The following PARK7 variants were observed in gnomAD, a reference collection of about 807,000 sequenced individuals.
PARK7 encodes the protein Parkinson disease protein 7.
In PARK7, 14 loss-of-function variants were observed where a neutral mutation model predicts 20.5. That is an observed-to-expected ratio of 0.68 (90% CI 0.45 to 1.07). The LOEUF (loss-of-function observed/expected upper bound fraction) is 1.07, where lower values mean the gene tolerates loss of function less well. PARK7 is among the 50% of genes least tolerant of loss of function. The pLI is 0.00. For missense variants in PARK7, 234 were observed against 238.1 expected, an observed-to-expected ratio of 0.98 and a Z score of 0.11; for synonymous variants, 98 against 84.3, an observed-to-expected ratio of 1.16 and a Z score of -0.89.
Position 7,962,850 on chromosome 1 carries a change from C to A in PARK7, c.65C>A (p.Pro22His). 1 of 1,613,458 alleles carries A rather than the reference C, an allele frequency of 6.2e-7. No homozygotes were observed. Among genetic ancestry groups the A allele is most frequent in the Non-Finnish European group, 8.5e-7 (1 of 1,179,912 alleles). Residue 22 changes from proline to histidine, a missense_variant, in exon 2 of 7, where the codon CCT becomes CAT. Pro to His is a moderately conservative substitution (Grantham distance 77). Transcript: ENST00000338639. The stretch of plus-strand genomic sequence containing the variant: ...GCAGAGGAAATGGAGACGGTCATCC[C>A]TGTAGATGTCATGAGGCGAGCTGGG... ...KGAEEMETVIPVDVMRRAGIK... is the reference protein window; with the variant it reads ...KGAEEMETVIHVDVMRRAGIK...
chr1:7,966,899 C>T (rs979271216), intron 3 of PARK7, among the ~76,000 whole-genome samples: 2 of 152,134 alleles, frequency 1.3e-5, no homozygotes, highest in African/African-American at 4.8e-5. Context: ...GCATATCCAT[C>T]ATCTCAAACA....
intron 5 of PARK7, among the ~76,000 whole-genome samples, chr1:7,973,202 G>A (rs1020283084): frequency 2.0e-5 from 3 of 152,222 alleles, no homozygotes; most frequent in African/African-American, 7.2e-5. Flanking sequence ...TTGTACGTGG[G>A]CTTACTACAA....
At chr1:7,968,269 C>G (rs1001986978) in intron 3 of PARK7, among the ~76,000 whole-genome samples, 5 of 138,360 alleles carry the variant, frequency 3.6e-5, no homozygotes, top group African/African-American at 1.4e-4. Context: ...GATCACTGCA[C>G]TCTAACCTGG....
intron 3 of PARK7, among the ~76,000 whole-genome samples, chr1:7,966,901 T>C (rs1640342217): frequency 6.6e-6 from 1 of 152,200 alleles, no homozygotes; most frequent in South Asian, 2.1e-4. Context: ...ATATCCATCA[T>C]CTCAAACATT....
chr1:7,969,208 A>G (rs545218504), intron 3 of PARK7, 137 bp from the exon 4 acceptor site: 1 of 691,014 alleles, frequency 1.4e-6, no homozygotes, highest in East Asian at 2.7e-5. Context: ...ACCTTAATTT[A>G]TTTAACTGTT....
In PARK7 at chr1:7,969,486, G is replaced by A. The variant is rs561017138; in HGVS notation, c.252+82G>A. 2.0e-4 allele frequency: 191 copies of A among 945,496 alleles called. 1 individual carries two copies. In the South Asian group the frequency reaches 2.6e-3, roughly 13 times the overall value. The allele number at this position is 945,496 out of a possible 1,614,324, so 58.6% of individuals were successfully genotyped here. A position where few individuals can be genotyped will look rare whatever the true frequency, so the allele number is the denominator to read the frequency against. On this transcript the variant is annotated intron_variant, in intron 4 of 6. Transcript: ENST00000338639. Reference sequence around the variant, plus strand: ...GAATTTCAGCATCTGCTTATGTTCTGTTAATTTTGTTATTATTCAAATATT... The same window carrying A: ...GAATTTCAGCATCTGCTTATGTTCTATTAATTTTGTTATTATTCAAATATT...
Position 7,978,760 on chromosome 1 carries a change from C to T in PARK7, c.409+1022C>T, listed in dbSNP as rs187362836. 4.9e-3 allele frequency among the ~76,000 whole-genome samples: 744 copies of T among 151,114 alleles called. 9 individuals carry two copies. The highest frequency in any genetic ancestry group is 4.4e-3 in the Non-Finnish European group (302 of 67,968). On this transcript the variant is annotated intron_variant, in intron 6 of 6. Transcript: ENST00000338639. ...GCTCAGGAGGCTGAGGTGGGATGAT[C>T]GCTTTAAGCCTGGGAGGTCAAAGCT...
At chr1:7,973,273 A>C (rs1365597328) in intron 5 of PARK7, among the ~76,000 whole-genome samples, 1 of 152,220 alleles carries the variant, frequency 6.6e-6, no homozygotes, top group Non-Finnish European at 1.5e-5. Flanking sequence ...GCCAAAGGGC[A>C]CTGCAGTCAC....
rs45601537 is a variant in PARK7, at chr1:7,969,387, G to T, written c.235G>T (p.Ala79Ser). The T allele has an allele frequency of 1.9e-6, 3 of 1,560,642 alleles. No homozygotes were observed. Among genetic ancestry groups the T allele is most frequent in the South Asian group, 1.1e-5 (1 of 90,196 alleles). Residue 79 changes from alanine to serine, a missense_variant, in exon 4 of 7, where the codon GCA (alanine) becomes TCA (serine). Transcript: ENST00000338639. ...GGTTCTACCAGGAGGTAATCTGGGC[G>T]CACAGAATTTATCTGAGGTAAAAAA... The part of the protein sequence containing the change: ...VVVLPGGNLG[A>S]QNLSESAAVK...
In PARK7 at chr1:7,969,042, G is replaced by A. The variant is rs548818609; in HGVS notation, c.193-303G>A. 9.7e-4 allele frequency: 275 copies of A among 283,144 alleles called. 5 individuals carry two copies. The Middle Eastern group carries it at 0.012, about 12-fold the overall frequency. 17.5% of individuals were successfully genotyped at this position (283,144 alleles called of 1,614,324 possible). ...GCTTGTGGTGATTGTACACATACAC[G>A]CATACATCTACACACAAATACATAT... On this transcript the variant is annotated intron_variant, in intron 3 of 6. Transcript: ENST00000338639.
In PARK7 at chr1:7,977,680, A is replaced by T. The variant is rs1640613586; in HGVS notation, c.351A>T (p.Ile117=). The change falls in exon 6 of 7, where the codon ATA becomes ATT. Residue 117 remains isoleucine (I), a synonymous_variant. Transcript: ENST00000338639. ...CTACTGCTCTGTTGGCTCATGAAAT[A>T]GGTTTTGGAAGTAAAGTTACAACAC... The part of the protein sequence containing the change: ...AGPTALLAHE[I]GFGSKVTTHP... The T allele has an allele frequency of 6.2e-7, 1 of 1,614,134 alleles. No individual in the cohort carries two copies. The highest frequency in any genetic ancestry group is 1.1e-5 in the South Asian group (1 of 91,084).
rs1449957205 is a variant in PARK7, at chr1:7,965,415, C to T, written c.182C>T (p.Ala61Val). ...TGTCCTGATGCCAGCCTTGAAGATG[C>T]AAAAAAAGAGGTTTGTAATCCATAC... ...VICPDASLED[A>V]KKEGPYDVVV... Residue 61 changes from alanine to valine, a missense_variant, in exon 3 of 7, where the codon GCA becomes GTA. Coordinates refer to ENST00000338639, the MANE Select transcript of PARK7 (RefSeq NM_007262.5). 1.2e-6 allele frequency: 2 copies of T among 1,613,632 alleles called. No homozygotes were observed. Among genetic ancestry groups the T allele is most frequent in the Admixed American group, 3.3e-5 (2 of 59,980 alleles).
In PARK7 at chr1:7,973,907, C is replaced by CA. The variant is rs781083944; in HGVS notation, c.322+2962dup. ...TGAGCGACAGAGCAAGACTTCGTTT[C>CA]AAAAAAAAAAAAAAAAAATCAACCA... On this transcript the variant is annotated intron_variant, in intron 5 of 6. Transcript: ENST00000338639. 6.8e-3 allele frequency among the ~76,000 whole-genome samples: 503 copies of CA among 74,244 alleles called. 5 individuals are homozygous for CA. Among genetic ancestry groups the CA allele is most frequent in the South Asian group, 0.017 (35 of 2,032 alleles). The allele number at this position is 74,244 out of a possible 152,430, so 48.7% of individuals were successfully genotyped here.
In PARK7 at chr1:7,965,315, T is replaced by C. The variant is rs780972350; in HGVS notation, c.91-9T>C. 5.0e-6 allele frequency: 8 copies of C among 1,610,348 alleles called. No homozygotes were observed. The highest frequency in any genetic ancestry group is 5.9e-6 in the Non-Finnish European group (7 of 1,176,586). On this transcript the variant is annotated splice_polypyrimidine_tract_variant and intron_variant, in intron 2 of 6. Transcript: ENST00000338639. ...AGTGTTCTTAAATATGATAACATCT[T>C]TCTCGTAGATTAAGGTCACCGTTGC...
At chr1:7,974,850 CTTTTTTT>C (rs547673963) in intron 5 of PARK7, among the ~76,000 whole-genome samples, 1 of 125,576 alleles carries the variant, frequency 8.0e-6, no homozygotes, top group East Asian at 2.3e-4. Context: ...AAATAAGATT[CTTTTTTT>C]TTTTTTTTTT....
chr1:7,979,146 A>G (rs1354766203), intron 6 of PARK7, among the ~76,000 whole-genome samples: 1 of 152,218 alleles, frequency 6.6e-6, no homozygotes, highest in African/African-American at 2.4e-5. Context: ...AAACCATGCC[A>G]TAATGATCAT....
intron 6 of PARK7, among the ~76,000 whole-genome samples, 153 bp downstream of exon 6, chr1:7,977,891 C>T (rs1640619887): frequency 6.6e-6 from 1 of 150,600 alleles, no homozygotes; most frequent in Non-Finnish European, 1.5e-5. Context: ...TCCTGAGTAG[C>T]TGGGATTACA....
chr1:7,978,109 G>A (rs1578102182), intron 6 of PARK7, among the ~76,000 whole-genome samples: 1 of 140,684 alleles, frequency 7.1e-6, no homozygotes, highest in Non-Finnish European at 1.5e-5. Flanking sequence ...TGATTCTTCT[G>A]CCTCAGCCTC....
intron 3 of PARK7, among the ~76,000 whole-genome samples, chr1:7,965,656 C>A (rs563087416): frequency 1.3e-5 from 2 of 152,030 alleles, no homozygotes; most frequent in African/African-American, 2.4e-5. Context: ...GGTAGGTGGC[C>A]GGTTGGATGT....
Sources: allele counts gnomAD v4.1 joint callset (sites outside exome capture counted in the v4.1 genomes callset), GRCh38; gene constraint gnomAD v4.1.1; transcripts MANE v1.5; gene names NCBI Gene and HGNC (gene_info 2026-07-23, HGNC 2026-07-21).